Variants in STX18 observed in about 807,000 individuals in gnomAD.
STX18 encodes the protein syntaxin 18, also known as syntaxin-18.
A neutral mutation model predicts 50.1 loss-of-function variants in STX18; 40 were observed. The observed-to-expected ratio is 0.80, with a 90% confidence interval of 0.62 to 1.04. The LOEUF (loss-of-function observed/expected upper bound fraction) is 1.04, where lower values mean the gene tolerates loss of function less well. Ranked by LOEUF, STX18 falls within the 50% of genes least tolerant of loss-of-function variation. The pLI, the probability that STX18 is intolerant of heterozygous loss-of-function variation, is 0.00. For missense variants in STX18, 410 were observed against 415.8 expected, an observed-to-expected ratio of 0.99 and a Z score of 0.12; for synonymous variants, 158 against 151.8, an observed-to-expected ratio of 1.04 and a Z score of -0.30.
chr4:4,429,488 C>G (rs1725416621), intron 7 of STX18, among the ~76,000 whole-genome samples: 1 of 152,138 alleles, frequency 6.6e-6, no homozygotes, highest in African/African-American at 2.4e-5. Context: ...TCACAAAGAG[C>G]CAAGAAAAGC....
chr4:4,421,555 G>A (rs1724966121), intron 9 of STX18, among the ~76,000 whole-genome samples: 1 of 152,116 alleles, frequency 6.6e-6, no homozygotes, highest in South Asian at 2.1e-4. Context: ...GCGCAGGGCT[G>A]AGACCCCATC....
chr4:4,462,979 TATA>T (rs1056870079), intron 2 of STX18, among the ~76,000 whole-genome samples: 1 of 152,216 alleles, frequency 6.6e-6, no homozygotes, highest in African/African-American at 2.4e-5. Flanking sequence ...GCTGTTTGAG[TATA>T]ATAACTGCCT....
chr4:4,465,822 G>A (rs1727594461), intron 2 of STX18, among the ~76,000 whole-genome samples: 1 of 152,186 alleles, frequency 6.6e-6, no homozygotes, highest in Non-Finnish European at 1.5e-5. Context: ...TATCATATCT[G>A]CAATGTTACC....
chr4:4,470,565 T>A (rs958403845), intron 2 of STX18, among the ~76,000 whole-genome samples: 2 of 152,204 alleles, frequency 1.3e-5, no homozygotes, highest in African/African-American at 4.8e-5. Flanking sequence ...AATTATTAAA[T>A]AATTACAAAT....
intron 9 of STX18, among the ~76,000 whole-genome samples, chr4:4,423,097 C>G (rs1365994349): frequency 1.3e-5 from 2 of 152,226 alleles, no homozygotes; most frequent in African/African-American, 4.8e-5. Flanking sequence ...AAGCAACTGC[C>G]CGTCAGCATC....
At chr4:4,480,706 C>T (rs1379028417) in intron 1 of STX18, among the ~76,000 whole-genome samples, 4 of 152,116 alleles carry the variant, frequency 2.6e-5, no homozygotes, top group Non-Finnish European at 2.9e-5. Flanking sequence ...TAATAGGGTA[C>T]AATAAACTCC....
intron 1 of STX18, among the ~76,000 whole-genome samples, chr4:4,475,639 G>T (rs763564274): frequency 4.6e-5 from 7 of 152,150 alleles, no homozygotes; most frequent in Admixed American, 6.5e-5. Flanking sequence ...AAGACTCTTG[G>T]CCAAGCTTAA....
intron 9 of STX18, among the ~76,000 whole-genome samples, chr4:4,423,242 C>T (rs574742076): frequency 6.6e-6 from 1 of 152,346 alleles, no homozygotes; most frequent in Non-Finnish European, 1.5e-5. Flanking sequence ...GACTGCCAGG[C>T]CTGGACTCTC....
At chr4:4,532,290 T>C (rs1338053646) in intron 1 of STX18, among the ~76,000 whole-genome samples, 2 of 152,222 alleles carry the variant, frequency 1.3e-5, no homozygotes, top group East Asian at 1.9e-4. Context: ...TTTTCTTCTT[T>C]ATTCTGTTTA....
At chr4:4,441,767 T>A (rs1726120628) in intron 5 of STX18, among the ~76,000 whole-genome samples, 1 of 152,220 alleles carries the variant, frequency 6.6e-6, no homozygotes, top group Non-Finnish European at 1.5e-5. Flanking sequence ...GAAATTCATC[T>A]GGAAATAAGC....
chr4:4,515,523 C>T (rs757861497), intron 1 of STX18, among the ~76,000 whole-genome samples: 43 of 151,948 alleles, frequency 2.8e-4, no homozygotes, highest in Non-Finnish European at 4.7e-4. Flanking sequence ...TTAAGAGACA[C>T]GATTTGAAAT....
At chr4:4,501,884 C>A (rs1234536231) in intron 1 of STX18, among the ~76,000 whole-genome samples, 3 of 152,222 alleles carry the variant, frequency 2.0e-5, no homozygotes, top group Non-Finnish European at 2.9e-5. Context: ...AATTCTGATT[C>A]AAACTTGTAA....
intron 1 of STX18, among the ~76,000 whole-genome samples, chr4:4,482,046 T>C (rs1481046200): frequency 6.6e-6 from 1 of 152,170 alleles, no homozygotes; most frequent in Non-Finnish European, 1.5e-5. Flanking sequence ...CCTCCTTCCT[T>C]GTCCCCTCCT....
chr4:4,474,010 C>A (rs1728054925), intron 1 of STX18, among the ~76,000 whole-genome samples: 1 of 152,094 alleles, frequency 6.6e-6, no homozygotes, highest in Non-Finnish European at 1.5e-5. Flanking sequence ...TGCCGCACAC[C>A]CCGCACCACT....
chr4:4,471,700 G>A lies in STX18; in HGVS notation c.175C>T (p.His59Tyr). Residue 59 changes from histidine (H) to tyrosine (Y), a missense_variant, in exon 2 of 11, where the codon CAC becomes TAC. Physicochemically the swap from His to Tyr is moderately conservative, Grantham distance 83. Transcript: ENST00000306200. ...FSSRAREVISHIGKLRDFLLE... is the reference protein window; with the variant it reads ...FSSRAREVISYIGKLRDFLLE... ...AGAAAATCTCTCAGTTTGCCAATGT[G>A]AGAAATCTAAAATTAAAAAAGAAAG... 1.3e-6 allele frequency: 2 copies of A among 1,583,838 alleles called. No homozygotes were observed. Among genetic ancestry groups the A allele is most frequent in the South Asian group, 1.2e-5 (1 of 84,842 alleles).
intron 5 of STX18, among the ~76,000 whole-genome samples, chr4:4,452,215 G>C (rs771920160): frequency 2.2e-4 from 34 of 152,148 alleles, no homozygotes; most frequent in Admixed American, 1.3e-4. Context: ...AGGCAGCAGA[G>C]GTTGGTTCAT....
At chr4:4,486,919 T>C (rs534442669) in intron 1 of STX18, among the ~76,000 whole-genome samples, 4 of 152,316 alleles carry the variant, frequency 2.6e-5, no homozygotes, top group Admixed American at 6.5e-5. Flanking sequence ...CACGAACATC[T>C]AAAGTATAGT....
intron 1 of STX18, among the ~76,000 whole-genome samples, chr4:4,490,956 T>C (rs1728912962): frequency 6.6e-6 from 1 of 152,098 alleles, no homozygotes; most frequent in Admixed American, 6.5e-5. Context: ...TTTCCCAACT[T>C]AAATAAAAAC....
intron 1 of STX18, among the ~76,000 whole-genome samples, chr4:4,495,967 T>A (rs1225909094): frequency 6.6e-6 from 1 of 152,190 alleles, no homozygotes; most frequent in Non-Finnish European, 1.5e-5. Flanking sequence ...GCATCTATGA[T>A]TATCGGATAA....
Sources: gnomAD v4.1 joint callset for allele counts (sites outside exome capture counted in the v4.1 genomes callset) on GRCh38, gnomAD v4.1.1 for gene constraint, MANE v1.5 for transcripts, NCBI Gene and HGNC (gene_info 2026-07-23, HGNC 2026-07-21) for gene names.